Variants in TMEM41B observed in about 807,000 individuals in gnomAD.
TMEM41B encodes the protein protein stasimon.
Under a neutral mutation model 31.9 loss-of-function variants are expected in TMEM41B, and 18 were observed. The ratio of observed to expected loss-of-function variants is 0.56; its 90% CI spans 0.39 to 0.84. The LOEUF is 0.84. Among genes scored for constraint, TMEM41B ranks in the 40% least tolerant of loss-of-function variants. The pLI is 0.00. For synonymous variants in TMEM41B, 144 were observed against 124.3 expected, an observed-to-expected ratio of 1.16 and a Z score of -1.05; for missense variants, 322 against 348.0, an observed-to-expected ratio of 0.93 and a Z score of 0.59.
chr11:9,297,980 T>A (rs1273709902), intron 2 of TMEM41B, among the ~76,000 whole-genome samples: 2 of 148,638 alleles, frequency 1.3e-5, no homozygotes, highest in Non-Finnish European at 3.0e-5. Flanking sequence ...TAGGGGATCA[T>A]TTCAGCCCAG....
At chr11:9,311,558 G>A in intron 1 of TMEM41B, 1 of 1,200,518 alleles carries the variant, frequency 8.3e-7, no homozygotes, top group Non-Finnish European at 1.2e-6. Context: ...GAGCTCCTGG[G>A]GGAGGAGGAC....
chr11:9,300,461 T>C (rs889038324), intron 1 of TMEM41B, among the ~76,000 whole-genome samples: 1 of 152,194 alleles, frequency 6.6e-6, no homozygotes, highest in Non-Finnish European at 1.5e-5. Flanking sequence ...TTATACTTTC[T>C]CTTTATACCA....
chr11:9,290,695 C>G lies in TMEM41B; in HGVS notation c.369-2160G>C, dbSNP rs541983556. Reference sequence around the variant, plus strand: ...GTGTTTTGTTGTTTTTGTTGTTTAACGCAACTGTATTTTTTCCTTTCCCAA... The same window carrying G: ...GTGTTTTGTTGTTTTTGTTGTTTAAGGCAACTGTATTTTTTCCTTTCCCAA... On this transcript the variant is annotated intron_variant, in intron 3 of 6. Coordinates refer to ENST00000528080, the MANE Select transcript of TMEM41B (RefSeq NM_015012.4). Among the ~76,000 whole-genome samples, 3 of 152,116 alleles carry G rather than the reference C, an allele frequency of 2.0e-5. No homozygotes were observed. The South Asian group carries it at 6.2e-4, about 32-fold the overall frequency.
chr11:9,290,135 C>T (rs1466510293), intron 3 of TMEM41B, among the ~76,000 whole-genome samples: 1 of 152,020 alleles, frequency 6.6e-6, no homozygotes, highest in African/African-American at 2.4e-5. Context: ...AATCCCAGCA[C>T]TTAGGGAGTC....
At chr11:9,291,484 C>G (rs1852958321) in intron 3 of TMEM41B, among the ~76,000 whole-genome samples, 1 of 151,754 alleles carries the variant, frequency 6.6e-6, no homozygotes, top group African/African-American at 2.4e-5. Context: ...TCACTGCAAC[C>G]CCTGCCTCCC....
At chr11:9,284,591 C>T (rs559617734) in intron 6 of TMEM41B, among the ~76,000 whole-genome samples, 1 of 152,006 alleles carries the variant, frequency 6.6e-6, no homozygotes, top group East Asian at 1.9e-4. Context: ...GATGAAGCTC[C>T]ATCTCTACTA....
chr11:9,307,811 T>A (rs1201092027), intron 1 of TMEM41B, among the ~76,000 whole-genome samples: 1 of 151,548 alleles, frequency 6.6e-6, no homozygotes, highest in African/African-American at 2.4e-5. Flanking sequence ...AGTGGCGCAA[T>A]CTCGGCTCGC....
At chr11:9,301,218 C>A (rs1853248323) in intron 1 of TMEM41B, among the ~76,000 whole-genome samples, 1 of 151,468 alleles carries the variant, frequency 6.6e-6, no homozygotes, top group Non-Finnish European at 1.5e-5. Flanking sequence ...ACACGGTGAA[C>A]CCCCATCTCT....
rs761155189 is a variant in TMEM41B, at chr11:9,283,603, A to C, written c.707-10T>G. 1 of 1,595,994 alleles carries C rather than the reference A, an allele frequency of 6.3e-7. No individual in the cohort carries two copies. The highest frequency in any genetic ancestry group is 1.2e-5 in the South Asian group (1 of 86,186). On this transcript the variant is annotated splice_polypyrimidine_tract_variant and intron_variant, in intron 6 of 6. Coordinates refer to ENST00000528080, the MANE Select transcript of TMEM41B (RefSeq NM_015012.4). ...GAAGGAGGTGCGACACCTGAAATAA[A>C]ATATAAAAAGATACAGTAAAAACCA...
At chr11:9,292,909 C>G (rs1852990812) in intron 3 of TMEM41B, among the ~76,000 whole-genome samples, 1 of 152,170 alleles carries the variant, frequency 6.6e-6, no homozygotes, top group Admixed American at 6.5e-5. Flanking sequence ...TCTCCACATC[C>G]TTGCCAACAC....
At chr11:9,305,979 C>CT (rs746744551) in intron 1 of TMEM41B, among the ~76,000 whole-genome samples, 11,402 of 117,724 alleles carry the variant, frequency 0.097, 827 homozygotes, top group Non-Finnish European at 0.11. Flanking sequence ...CAGCACTTTT[C>CT]TTTTTTTTTT....
chr11:9,305,260 T>C (rs1260052182), intron 1 of TMEM41B, among the ~76,000 whole-genome samples: 1 of 152,188 alleles, frequency 6.6e-6, no homozygotes, highest in Non-Finnish European at 1.5e-5. Flanking sequence ...AGACACATTA[T>C]ACATGCAAGT....
chr11:9,297,904 A>G (rs1054147979), intron 2 of TMEM41B, among the ~76,000 whole-genome samples: 1 of 150,988 alleles, frequency 6.6e-6, no homozygotes, highest in African/African-American at 2.4e-5. Context: ...GTCTCTACAA[A>G]AAATTAAAGA....
chr11:9,301,178 A>C (rs1047568785), intron 1 of TMEM41B, among the ~76,000 whole-genome samples: 1 of 151,564 alleles, frequency 6.6e-6, no homozygotes. Context: ...GGCGGATCAC[A>C]AGGTCAGGAG....
At chr11:9,310,180 T>C (rs1853522276) in intron 1 of TMEM41B, among the ~76,000 whole-genome samples, 1 of 151,496 alleles carries the variant, frequency 6.6e-6, no homozygotes, top group East Asian at 2.0e-4. Context: ...GGATTACAGG[T>C]GTGCACCACC....
At chr11:9,314,212 AG>A (rs1853631828) in intron 1 of TMEM41B, 108 bp downstream of exon 1, 1 of 1,335,836 alleles carries the variant, frequency 7.5e-7, no homozygotes, top group Non-Finnish European at 9.8e-7. Context: ...CGGCGCCAGC[AG>A]GCCCCCCTCT....
chr11:9,304,591 T>C (rs2133641623), intron 1 of TMEM41B, among the ~76,000 whole-genome samples: 1 of 152,086 alleles, frequency 6.6e-6, no homozygotes, highest in East Asian at 1.9e-4. Flanking sequence ...TCAGCTTCAA[T>C]CCTCCTGCCT....
chr11:9,286,042 G>A (rs1337288798), intron 6 of TMEM41B, among the ~76,000 whole-genome samples: 1 of 152,180 alleles, frequency 6.6e-6, no homozygotes, highest in Non-Finnish European at 1.5e-5. Context: ...TTGAACCCGG[G>A]AGGCGGAGAT....
intron 1 of TMEM41B, 25 bp downstream of exon 1, chr11:9,314,296 A>G: frequency 6.3e-7 from 1 of 1,583,912 alleles, no homozygotes; most frequent in African/African-American, 1.4e-5. Context: ...GGCCACCCCC[A>G]GCTCTGCTCC....
Sources: gnomAD v4.1 joint callset for allele counts (sites outside exome capture counted in the v4.1 genomes callset) on GRCh38, gnomAD v4.1.1 for gene constraint, MANE v1.5 for transcripts, NCBI Gene and HGNC (gene_info 2026-07-23, HGNC 2026-07-21) for gene names.